The following OVOL2 variants were observed in gnomAD, a reference collection of about 807,000 sequenced individuals.
OVOL2 encodes the protein transcription factor Ovo-like 2.
A neutral mutation model predicts 18.1 loss-of-function variants in OVOL2; 13 were observed. The ratio of observed to expected loss-of-function variants is 0.72; its 90% CI spans 0.47 to 1.14. The LOEUF is 1.14. Among genes scored for constraint, OVOL2 ranks in the 50% most tolerant of loss-of-function variants. OVOL2 has a pLI of 0.00. For synonymous variants in OVOL2, 166 were observed against 162.7 expected, an observed-to-expected ratio of 1.02 and a Z score of -0.16; for missense variants, 335 against 383.0, an observed-to-expected ratio of 0.87 and a Z score of 1.05.
chr20:18,030,421 G>T lies in OVOL2; in HGVS notation c.512-5469C>A, dbSNP rs372595683. On this transcript the variant is annotated intron_variant, in intron 3 of 3. Transcript: ENST00000278780. ...GGGAAGCTGGCACACTTAACATCAGGCTTTAACCTGGATGCAACAAACTCC... is the reference window on the plus strand; with the variant it reads ...GGGAAGCTGGCACACTTAACATCAGTCTTTAACCTGGATGCAACAAACTCC... Among the ~76,000 whole-genome samples, 883 of 152,252 alleles carry T rather than the reference G, an allele frequency of 5.8e-3. 7 individuals carry two copies. Among genetic ancestry groups the T allele is most frequent in the Non-Finnish European group, 7.2e-3 (491 of 68,018 alleles).
intron 3 of OVOL2, among the ~76,000 whole-genome samples, chr20:18,028,064 G>A (rs1406088070): frequency 6.6e-6 from 1 of 152,162 alleles, no homozygotes; most frequent in Non-Finnish European, 1.5e-5. Flanking sequence ...CAGGAGGGAT[G>A]CCACCTGGAG....
intron 3 of OVOL2, among the ~76,000 whole-genome samples, chr20:18,028,621 C>A: frequency 1.3e-5 from 2 of 152,060 alleles, no homozygotes; most frequent in South Asian, 4.2e-4. Context: ...AGTGAAACCC[C>A]GTCTCTAGTA....
At chr20:18,037,511 C>T (rs905160352) in intron 3 of OVOL2, among the ~76,000 whole-genome samples, 14 of 152,254 alleles carry the variant, frequency 9.2e-5, no homozygotes, top group Admixed American at 9.2e-4. Context: ...TGCCGAGCCA[C>T]CCTCCTCACT....
chr20:18,041,773 A>G (rs1312166688), intron 2 of OVOL2, 50 bp from the exon 3 acceptor site: 3 of 1,560,002 alleles, frequency 1.9e-6, no homozygotes, highest in Non-Finnish European at 2.6e-6. Context: ...AGGCACATCC[A>G]GTAGGCTCAC....
intron 3 of OVOL2, among the ~76,000 whole-genome samples, chr20:18,027,488 A>T (rs2036529710): frequency 6.6e-6 from 1 of 151,080 alleles, no homozygotes; most frequent in Non-Finnish European, 1.5e-5. Context: ...AGATTGTGCC[A>T]CTGCACTCTA....
chr20:18,043,629 T>C (rs1288430340), intron 2 of OVOL2, among the ~76,000 whole-genome samples: 1 of 152,222 alleles, frequency 6.6e-6, no homozygotes, highest in Admixed American at 6.5e-5. Context: ...CTATGGCTTT[T>C]GTCTTGACCC....
intron 3 of OVOL2, among the ~76,000 whole-genome samples, chr20:18,032,442 A>T (rs1255881577): frequency 2.0e-5 from 3 of 152,092 alleles, no homozygotes; most frequent in Admixed American, 2.0e-4. Context: ...AAATGTCATC[A>T]ATTGAGGAAT....
At chr20:18,055,347 T>TG (rs1376979394) in intron 2 of OVOL2, among the ~76,000 whole-genome samples, 1 of 152,130 alleles carries the variant, frequency 6.6e-6, no homozygotes, top group Non-Finnish European at 1.5e-5. Context: ...AATATGCAAG[T>TG]GGGGCACTTT....
In OVOL2 at chr20:18,038,181, T is replaced by C. The variant is rs762293264; in HGVS notation, c.511+3353A>G. 2.3e-4 allele frequency among the ~76,000 whole-genome samples: 35 copies of C among 151,926 alleles called. 1 individual carries two copies. Among genetic ancestry groups the C allele is most frequent in the Non-Finnish European group, 1.9e-4 (13 of 68,020 alleles). On this transcript the variant is annotated intron_variant, in intron 3 of 3. Transcript: ENST00000278780. ...GATGTCTGAGTTATTCCTCCCTATG[T>C]TGGCTGAGAGCTCCATGAGCACAGA...
chr20:18,043,200 A>T (rs2122712532), intron 2 of OVOL2, among the ~76,000 whole-genome samples: 1 of 152,262 alleles, frequency 6.6e-6, no homozygotes, highest in South Asian at 2.1e-4. Flanking sequence ...GGTATGTTAT[A>T]TTACAGACAG....
chr20:18,058,270 C>T (rs918083739), upstream of OVOL2, among the ~76,000 whole-genome samples: 1 of 152,060 alleles, frequency 6.6e-6, no homozygotes, highest in Admixed American at 6.5e-5. Context: ...TCCCCTGGAC[C>T]TTGTGGAGCC....
At chr20:18,031,718 G>A (rs2036571984) in intron 3 of OVOL2, among the ~76,000 whole-genome samples, 1 of 152,194 alleles carries the variant, frequency 6.6e-6, no homozygotes, top group African/African-American at 2.4e-5. Context: ...TTTTTAAAAT[G>A]TGGCTGGTGG....
rs1326868798 is a variant in OVOL2 at position 18,056,476 on chromosome 20, G to C, written c.321+181C>G. The stretch of plus-strand genomic sequence containing the variant: ...TGCGCAGCAGCTACCCTGCGGGCGG[G>C]AGGACGCGCCGAGGCGCCCTGGCCG... On this transcript the variant is annotated intron_variant, in intron 2 of 3. Coordinates refer to ENST00000278780, the MANE Select transcript of OVOL2 (RefSeq NM_021220.4). This position sits in a 1 kb window ranked among gnomAD's most constrained non-coding sequence, Gnocchi z 4.2. 6.6e-6 allele frequency among the ~76,000 whole-genome samples: 1 copy of C among 151,558 alleles called. No individual in the cohort carries two copies. Among genetic ancestry groups the C allele is most frequent in the East Asian group, 1.9e-4 (1 of 5,150 alleles).
chr20:18,047,652 G>A (rs1210751830), intron 2 of OVOL2, among the ~76,000 whole-genome samples: 1 of 149,486 alleles, frequency 6.7e-6, no homozygotes, highest in Non-Finnish European at 1.5e-5. Context: ...TCAGGAGTTC[G>A]AGACCAGCCT....
rs112193198 is a variant in OVOL2 at position 18,052,109 on chromosome 20, C to T, written c.321+4548G>A. 2.6e-3 allele frequency among the ~76,000 whole-genome samples: 392 copies of T among 152,260 alleles called. 5 individuals carry two copies. Among genetic ancestry groups the T allele is most frequent in the African/African-American group, 8.9e-3 (368 of 41,556 alleles). ...GATACTGGATGCTGCAGCTGCAGAT[C>T]CAACTATCCGTTTAGAGAAAACCTA... On this transcript the variant is annotated intron_variant, in intron 2 of 3. Transcript: ENST00000278780.
chr20:18,030,448 G>A (rs1181248501), intron 3 of OVOL2, among the ~76,000 whole-genome samples: 3 of 152,208 alleles, frequency 2.0e-5, no homozygotes, highest in Admixed American at 2.0e-4. Context: ...ACAAACTCCT[G>A]GAGGTTCCCA....
chr20:18,029,481 C>T (rs924877301), intron 3 of OVOL2, among the ~76,000 whole-genome samples: 16 of 152,280 alleles, frequency 1.1e-4, no homozygotes, highest in Non-Finnish European at 2.1e-4. Context: ...GGCATATGCA[C>T]GGATGTACAT....
At position 18,032,063 on chromosome 20, in the gene OVOL2, T is replaced by TA. The variant is rs888366314; in HGVS notation, c.512-7112dup. ...CCGGAAGGCAATTTGGCAATGGCCATAAAAAAAAATCACACTGTATCTACC... is the reference window on the plus strand; with the variant it reads ...CCGGAAGGCAATTTGGCAATGGCCATAAAAAAAAAATCACACTGTATCTACC... On this transcript the variant is annotated intron_variant, in intron 3 of 3. Coordinates refer to ENST00000278780, the MANE Select transcript of OVOL2 (RefSeq NM_021220.4). Among the ~76,000 whole-genome samples, 87 of 150,896 alleles carry TA rather than the reference T, an allele frequency of 5.8e-4. 1 individual carries two copies. Among genetic ancestry groups the TA allele is most frequent in the East Asian group, 9.7e-4 (5 of 5,150 alleles).
intron 3 of OVOL2, among the ~76,000 whole-genome samples, chr20:18,030,215 G>A (rs1223422793): frequency 2.6e-5 from 4 of 152,042 alleles, no homozygotes; most frequent in Non-Finnish European, 4.4e-5. Flanking sequence ...GTGTTTTCCC[G>A]GCCTTCTGGG....
Sources: gnomAD v4.1 joint callset for allele counts (sites outside exome capture counted in the v4.1 genomes callset) on GRCh38, gnomAD v4.1.1 for gene constraint, Gnocchi (gnomAD v3.1) non-coding constraint, MANE v1.5 for transcripts, NCBI Gene and HGNC (gene_info 2026-07-23, HGNC 2026-07-21) for gene names.